MTSS1: variants seen among roughly 807,000 people sequenced by gnomAD.
MTSS1 encodes the protein MTSS I-BAR domain containing 1.
In MTSS1, 18 loss-of-function variants were observed where a neutral mutation model predicts 79.0. The ratio of observed to expected loss-of-function variants is 0.23; its 90% CI spans 0.16 to 0.34. MTSS1 has a LOEUF of 0.34. Among genes scored for constraint, MTSS1 ranks in the 10% least tolerant of loss-of-function variants. The pLI is 1.00. For missense variants in MTSS1, 815 were observed against 986.2 expected (o/e 0.83, Z 2.33); for synonymous variants, 341 against 368.6 (o/e 0.93, Z 0.86).
At chr8:124,713,869 C>T (rs914210285) in intron 1 of MTSS1, among the ~76,000 whole-genome samples, 6 of 151,864 alleles carry the variant, frequency 4.0e-5, no homozygotes, top group African/African-American at 1.2e-4. Context: ...TGCCTCAGTC[C>T]CCCAAGTAGC....
intron 10 of MTSS1, among the ~76,000 whole-genome samples, chr8:124,559,808 G>A (rs1047420333): frequency 4.6e-5 from 7 of 152,288 alleles, no homozygotes; most frequent in African/African-American, 1.7e-4. Flanking sequence ...CCAGGTACTT[G>A]CTTTAAATTT....
At chr8:124,718,960 A>G (rs892951089) in intron 1 of MTSS1, among the ~76,000 whole-genome samples, 6 of 152,212 alleles carry the variant, frequency 3.9e-5, no homozygotes, top group Admixed American at 3.3e-4. Flanking sequence ...AGAAACTCAG[A>G]GGTGAGTCTA....
chr8:124,591,342 T>C (rs926452388), intron 3 of MTSS1, 107 bp from the exon 4 acceptor site: 13 of 877,074 alleles, frequency 1.5e-5, no homozygotes, highest in Non-Finnish European at 2.2e-5. Context: ...TTGTAAAATA[T>C]AAGCCACCAT....
intron 3 of MTSS1, among the ~76,000 whole-genome samples, chr8:124,676,919 C>T (rs181590135): frequency 1.1e-4 from 16 of 152,246 alleles, no homozygotes; most frequent in African/African-American, 3.6e-4. Context: ...GTCCAATACT[C>T]GTCATTGTAT....
chr8:124,706,034 T>C (rs1226004781), intron 1 of MTSS1, among the ~76,000 whole-genome samples: 1 of 152,240 alleles, frequency 6.6e-6, no homozygotes, highest in Non-Finnish European at 1.5e-5. Context: ...ACAATTACAG[T>C]ATTACTTCAG....
intron 3 of MTSS1, among the ~76,000 whole-genome samples, chr8:124,622,484 T>TG (rs1451265356): frequency 5.4e-5 from 6 of 112,018 alleles, no homozygotes; most frequent in Admixed American, 2.7e-4. Flanking sequence ...CTTGCCATAT[T>TG]GAAAAAAAAA....
At chr8:124,706,919 G>A (rs2135517835) in intron 1 of MTSS1, among the ~76,000 whole-genome samples, 1 of 152,258 alleles carries the variant, frequency 6.6e-6, no homozygotes, top group African/African-American at 2.4e-5. Context: ...TTAAAGAGAT[G>A]AGGGCCAAGA....
intron 3 of MTSS1, among the ~76,000 whole-genome samples, chr8:124,695,857 A>C (rs2135333565): frequency 7.1e-6 from 1 of 141,394 alleles, no homozygotes; most frequent in East Asian, 2.0e-4. Flanking sequence ...TATTGTGGAA[A>C]ACTAGTGTTG....
chr8:124,665,273 A>G (rs183763305), intron 3 of MTSS1, among the ~76,000 whole-genome samples: 26 of 152,332 alleles, frequency 1.7e-4, no homozygotes, highest in Non-Finnish European at 2.8e-4. Flanking sequence ...GATTTGCTCA[A>G]TTCGATAATC....
intron 3 of MTSS1, among the ~76,000 whole-genome samples, chr8:124,669,910 T>C (rs937772662): frequency 6.6e-6 from 1 of 152,208 alleles, no homozygotes; most frequent in Non-Finnish European, 1.5e-5. Flanking sequence ...GTAGGATGTG[T>C]CTGCAAGCAC....
chr8:124,606,739 C>T (rs1394681056), intron 3 of MTSS1, among the ~76,000 whole-genome samples: 3 of 151,928 alleles, frequency 2.0e-5, no homozygotes, highest in East Asian at 1.9e-4. Context: ...AGATTCAAAC[C>T]GTGCTGTCGC....
chr8:124,686,067 C>A (rs1203136347), intron 3 of MTSS1, among the ~76,000 whole-genome samples: 1 of 152,252 alleles, frequency 6.6e-6, no homozygotes, highest in Non-Finnish European at 1.5e-5. Flanking sequence ...ACTATGACCT[C>A]ATTTGACTTC....
At chr8:124,606,766 T>C (rs766121826) in intron 3 of MTSS1, among the ~76,000 whole-genome samples, 3 of 151,806 alleles carry the variant, frequency 2.0e-5, no homozygotes, top group South Asian at 2.1e-4. Flanking sequence ...CTCGCTCAAC[T>C]GTGTACAGTT....
chr8:124,707,788 A>T (rs535454747), intron 1 of MTSS1, among the ~76,000 whole-genome samples: 2 of 152,216 alleles, frequency 1.3e-5, no homozygotes, highest in Admixed American at 6.5e-5. Flanking sequence ...AGGTGGGAGA[A>T]TCCCTTGAGC....
chr8:124,672,240 T>A (rs1255225812), intron 3 of MTSS1, among the ~76,000 whole-genome samples: 1 of 152,234 alleles, frequency 6.6e-6, no homozygotes, highest in African/African-American at 2.4e-5. Flanking sequence ...ATGCCTGTAA[T>A]CCCAACACTT....
chr8:124,617,055 T>C (rs1227539346), intron 3 of MTSS1, among the ~76,000 whole-genome samples: 3 of 100,338 alleles, frequency 3.0e-5, no homozygotes, highest in Non-Finnish European at 5.6e-5. Flanking sequence ...TGTCCATAAG[T>C]GGTAAACCAA....
At chr8:124,572,833 G>A (rs995853155) in intron 6 of MTSS1, among the ~76,000 whole-genome samples, 3 of 144,422 alleles carry the variant, frequency 2.1e-5, no homozygotes, top group African/African-American at 7.9e-5. Context: ...TGCAACCTCC[G>A]CCTGCCAGGT....
At chr8:124,725,091 G>A (rs2135879005) in intron 1 of MTSS1, among the ~76,000 whole-genome samples, 1 of 152,266 alleles carries the variant, frequency 6.6e-6, no homozygotes, top group Non-Finnish European at 1.5e-5. Context: ...CAAACCACCA[G>A]GCTTCCTCTC....
intron 1 of MTSS1, among the ~76,000 whole-genome samples, chr8:124,725,556 C>A (rs551985699): frequency 6.6e-6 from 1 of 152,184 alleles, no homozygotes; most frequent in East Asian, 1.9e-4. Context: ...TACGCTTTTC[C>A]CTCAGAGCAA....
Sources: allele counts gnomAD v4.1 joint callset (sites outside exome capture counted in the v4.1 genomes callset), GRCh38; gene constraint gnomAD v4.1.1; transcripts MANE v1.5; gene names NCBI Gene and HGNC (gene_info 2026-07-23, HGNC 2026-07-21).